SUMO3: variants seen among roughly 807,000 people sequenced by gnomAD.
The protein encoded by SUMO3 is small ubiquitin like modifier 3.
A neutral mutation model predicts 11.1 loss-of-function variants in SUMO3; 2 were observed. The observed-to-expected ratio is 0.18, with a 90% CI of 0.07 to 0.57. The LOEUF (loss-of-function observed/expected upper bound fraction) is 0.57. Ranked by LOEUF, SUMO3 falls within the 20% of genes least tolerant of loss-of-function variation. The pLI is 0.92. For missense variants in SUMO3, 70 were observed against 132.8 expected (o/e 0.53, Z 2.32); for synonymous variants, 56 against 53.5 (o/e 1.05, Z -0.20).
rs562045769 is a variant in SUMO3 at position 44,816,723 on chromosome 21, AC to A, written c.21+1224del. On this transcript the variant is annotated intron_variant, in intron 1 of 3. Transcript: ENST00000332859. ...CAGTGCACCTGAATGCAGGGTGCAT[AC>A]CCCAGGACTGAGACTGGAGGGAGGC... is the stretch of plus-strand genomic sequence containing the variant. 8.6e-5 allele frequency among the ~76,000 whole-genome samples: 13 copies of A among 152,046 alleles called. No individual in the cohort carries two copies. In the East Asian group the frequency reaches 2.5e-3, roughly 29 times the overall value.
Position 44,807,713 on chromosome 21 carries a change from G to A in SUMO3, c.223-673C>T, listed in dbSNP as rs1417576461. ...TAGTCATGCTCCCAGATGGAAAGGA[G>A]TCCCATCAGGGCTGTCGGCCACCCT... On this transcript the variant is annotated intron_variant, in intron 3 of 3. Transcript: ENST00000332859. This position sits in a 1 kb window ranked among gnomAD's most constrained non-coding sequence, Gnocchi z 4.3. 1.3e-5 allele frequency among the ~76,000 whole-genome samples: 2 copies of A among 152,222 alleles called. No individual in the cohort carries two copies. The highest frequency in any genetic ancestry group is 2.9e-5 in the Non-Finnish European group (2 of 68,036).
intron 2 of SUMO3, chr21:44,813,579 CGAGGACAGGGTGACAGCGGCG>C (rs67879920): frequency 0.3 from 162,449 of 542,492 alleles, 25,228 homozygotes; most frequent in South Asian, 0.42. Context: ...AGCTCATACG[CGAGGACAGGGTGACAGCGGCG>C]TGGGGCACAC....
rs2083183369 is a variant in SUMO3, at chr21:44,807,318, T to C, written c.223-278A>G. Among the ~76,000 whole-genome samples, 1 of 151,958 alleles carries C rather than the reference T, an allele frequency of 6.6e-6. No individual in the cohort carries two copies. Among genetic ancestry groups the C allele is most frequent in the Admixed American group, 6.6e-5 (1 of 15,262 alleles). On this transcript the variant is annotated intron_variant, in intron 3 of 3. Coordinates refer to ENST00000332859, the MANE Select transcript of SUMO3 (RefSeq NM_006936.3). The surrounding 1 kb of genome is among the most constrained non-coding windows in gnomAD (Gnocchi z 4.3). ...AATGTTAACTGAGAGAAAAACTGAG[T>C]CTAGAAGATAAACTGAAATGTCTAA...
At chr21:44,816,322 G>A (rs2083243605) in intron 1 of SUMO3, among the ~76,000 whole-genome samples, 1 of 152,322 alleles carries the variant, frequency 6.6e-6, no homozygotes, top group South Asian at 2.1e-4. Context: ...GGAGAACTTT[G>A]ACTTCACTGG....
rs184052238 is a variant in SUMO3 at position 44,812,166 on chromosome 21, C to T, written c.150+1810G>A. On this transcript the variant is annotated intron_variant, in intron 2 of 3. Transcript: ENST00000332859. ...CCACCTCCTGGGCTCAAACAATCCT[C>T]CCACCTCAGCCTCCTGAGTAGCTGG... 2.7e-3 allele frequency among the ~76,000 whole-genome samples: 402 copies of T among 147,094 alleles called. 5 individuals are homozygous for T. Among genetic ancestry groups the T allele is most frequent in the African/African-American group, 8.8e-3 (355 of 40,176 alleles).
chr21:44,811,898 G>A lies in SUMO3; in HGVS notation c.150+2078C>T, dbSNP rs1455808821. 2.0e-5 allele frequency among the ~76,000 whole-genome samples: 3 copies of A among 152,036 alleles called. No individual in the cohort carries two copies. The highest frequency in any genetic ancestry group is 7.2e-5 in the African/African-American group (3 of 41,386). On this transcript the variant is annotated intron_variant, in intron 2 of 3. Coordinates refer to ENST00000332859, the MANE Select transcript of SUMO3 (RefSeq NM_006936.3). This position sits in a 1 kb window ranked among gnomAD's most constrained non-coding sequence, Gnocchi z 5.0. Reference sequence around the variant, plus strand: ...TTTCCTGAATAAAAATAAACGTCCAGACCCATAAAGTGCCCAGCAGCATGA... The same window carrying A: ...TTTCCTGAATAAAAATAAACGTCCAAACCCATAAAGTGCCCAGCAGCATGA...
chr21:44,805,681 G>C lies in SUMO3; in HGVS notation c.*1270C>G, dbSNP rs2083171844. 6.6e-6 allele frequency: 1 copy of C among 152,466 alleles called. No individual in the cohort carries two copies. Among genetic ancestry groups the C allele is most frequent in the Non-Finnish European group, 1.5e-5 (1 of 68,014 alleles). The allele number at this position is 152,466 out of a possible 1,614,324, so 9.4% of individuals were successfully genotyped here. A position where few individuals can be genotyped will look rare whatever the true frequency, so the allele number is the denominator to read the frequency against. On this transcript the variant is annotated 3_prime_UTR_variant, in exon 4 of 4. Transcript: ENST00000332859. ...AGGACAACAAATAATGTACAAATTG[G>C]TGAATAAACACAACAGAGCCAACAA...
At chr21:44,809,011 A>T in intron 3 of SUMO3, 36 bp downstream of exon 3, 1 of 1,593,302 alleles carries the variant, frequency 6.3e-7, no homozygotes, top group Non-Finnish European at 8.6e-7. Context: ...CACAAATCGG[A>T]AGTCGCCCTG....
At chr21:44,817,139 G>A (rs2083249745) in intron 1 of SUMO3, among the ~76,000 whole-genome samples, 1 of 144,062 alleles carries the variant, frequency 6.9e-6, no homozygotes, top group African/African-American at 2.6e-5. Context: ...TGGCATGATG[G>A]GGAGGAGTGG....
intron 1 of SUMO3, 22 bp downstream of exon 1, chr21:44,817,926 C>T (rs1358725283): frequency 4.4e-5 from 44 of 1,009,278 alleles, no homozygotes; most frequent in Non-Finnish European, 5.1e-5. Flanking sequence ...GACGCGCGTG[C>T]AGGCGGGGTC....
In SUMO3 at chr21:44,810,318, G is replaced by A. The variant is rs528261769; in HGVS notation, c.151-1200C>T. 1.1e-3 allele frequency among the ~76,000 whole-genome samples: 160 copies of A among 152,310 alleles called. 1 individual carries two copies. Among genetic ancestry groups the A allele is most frequent in the East Asian group, 1.5e-3 (8 of 5,174 alleles). ...GGGCTGAGCCAGAGGCTACTGAGGC[G>A]TGGACACTGGTGGTCTGATGGACAC... On this transcript the variant is annotated intron_variant, in intron 2 of 3. Transcript: ENST00000332859. This position sits in a 1 kb window ranked among gnomAD's most constrained non-coding sequence, Gnocchi z 4.1.
chr21:44,813,051 T>C (rs952309973), intron 2 of SUMO3, among the ~76,000 whole-genome samples: 5 of 152,232 alleles, frequency 3.3e-5, no homozygotes, highest in African/African-American at 1.2e-4. Context: ...CAGGGGCTGC[T>C]TGCCAATAAA....
intron 2 of SUMO3, 71 bp from the exon 3 acceptor site, chr21:44,809,189 C>T: frequency 1.4e-6 from 2 of 1,466,010 alleles, no homozygotes; most frequent in Non-Finnish European, 1.9e-6. Flanking sequence ...GGCCATTAGT[C>T]TCACTGACAA....
In SUMO3 at chr21:44,813,735, A is replaced by G. The variant is rs569035186; in HGVS notation, c.150+241T>C. On this transcript the variant is annotated intron_variant, in intron 2 of 3. Coordinates refer to ENST00000332859, the MANE Select transcript of SUMO3 (RefSeq NM_006936.3). ...ACCCCGGGCAGCCGCCCTGTCAGGAAGAAAAACCCACCACACTTCTCCGAG... is the reference window on the plus strand; with the variant it reads ...ACCCCGGGCAGCCGCCCTGTCAGGAGGAAAAACCCACCACACTTCTCCGAG... 178 of 1,352,970 alleles carry G rather than the reference A, an allele frequency of 1.3e-4. 3 individuals carry two copies. The South Asian group carries it at 2.5e-3, about 19-fold the overall frequency. The allele number at this position is 1,352,970 out of a possible 1,614,324, so 83.8% of individuals were successfully genotyped here. A position where few individuals can be genotyped will look rare whatever the true frequency, so the allele number is the denominator to read the frequency against.
chr21:44,816,517 G>A (rs2083244400), intron 1 of SUMO3, among the ~76,000 whole-genome samples: 2 of 152,182 alleles, frequency 1.3e-5, no homozygotes, highest in South Asian at 4.1e-4. Context: ...GTAAAGGGAG[G>A]GTGGTCACCT....
chr21:44,809,945 C>G lies in SUMO3; in HGVS notation c.151-827G>C, dbSNP rs78836286. Among the ~76,000 whole-genome samples the G allele has an allele frequency of 2.0e-5, 3 of 152,298 alleles. No individual in the cohort carries two copies. In the East Asian group the frequency reaches 5.8e-4, roughly 29 times the overall value. ...TTCTACAATGCTGGCACCACTACTT[C>G]CCCCCTTTACAAAGTTCTCAGCAAG... is the stretch of plus-strand genomic sequence containing the variant. On this transcript the variant is annotated intron_variant, in intron 2 of 3. Transcript: ENST00000332859.
At chr21:44,814,450 C>T (rs968191809) in intron 1 of SUMO3, among the ~76,000 whole-genome samples, 5 of 152,164 alleles carry the variant, frequency 3.3e-5, no homozygotes, top group Non-Finnish European at 5.9e-5. Flanking sequence ...ACCTGTTATC[C>T]CAGTACTTTG....
intron 2 of SUMO3, among the ~76,000 whole-genome samples, chr21:44,812,735 C>T (rs1342946015): frequency 3.9e-5 from 6 of 152,312 alleles, no homozygotes; most frequent in South Asian, 2.1e-4. Context: ...AGGGGAGCTC[C>T]GGGAGAGCAG....
chr21:44,817,194 G>A (rs1166601732), intron 1 of SUMO3, among the ~76,000 whole-genome samples: 1 of 144,172 alleles, frequency 6.9e-6, no homozygotes, highest in Non-Finnish European at 1.5e-5. Flanking sequence ...GGCGTACACC[G>A]GGGGGCGCGA....
Sources: gnomAD v4.1 joint callset for allele counts (sites outside exome capture counted in the v4.1 genomes callset) on GRCh38, gnomAD v4.1.1 for gene constraint, Gnocchi (gnomAD v3.1) non-coding constraint, MANE v1.5 for transcripts, NCBI Gene and HGNC (gene_info 2026-07-23, HGNC 2026-07-21) for gene names.